The following THSD7B variants were observed in gnomAD, a reference collection of about 807,000 sequenced individuals.
THSD7B encodes the protein thrombospondin type-1 domain-containing protein 7B.
In THSD7B, 138 loss-of-function variants were observed where a neutral mutation model predicts 213.6. The ratio of observed to expected loss-of-function variants is 0.65; its 90% CI spans 0.56 to 0.74. THSD7B has a LOEUF of 0.74. THSD7B is among the 30% of genes least tolerant of loss of function. The probability of loss-of-function intolerance (pLI) is 0.00; values close to 1 mark genes in which losing one functional copy is unlikely to be tolerated. For synonymous variants in THSD7B, 742 were observed against 687.0 expected, an observed-to-expected ratio of 1.08 and a Z score of -1.25; for missense variants, 1,931 against 1,991.5, an observed-to-expected ratio of 0.97 and a Z score of 0.58.
chr2:136,889,895 T>G (rs1035319210), intron 2 of THSD7B, among the ~76,000 whole-genome samples: 1 of 152,220 alleles, frequency 6.6e-6, no homozygotes, highest in Non-Finnish European at 1.5e-5. Flanking sequence ...TTTCCAGAAC[T>G]GCTAAACGCA....
chr2:137,655,112 G>T (rs886118933), intron 21 of THSD7B, among the ~76,000 whole-genome samples: 3 of 152,058 alleles, frequency 2.0e-5, no homozygotes, highest in African/African-American at 7.2e-5. Flanking sequence ...CTATAAAAAA[G>T]AAAAACAGGT....
intron 12 of THSD7B, among the ~76,000 whole-genome samples, chr2:137,392,074 C>T (rs1386491507): frequency 2.6e-5 from 4 of 152,082 alleles, no homozygotes; most frequent in African/African-American, 7.2e-5. Context: ...TTGTTACCAC[C>T]CCTTTCTAGT....
chr2:137,195,384 A>T (rs1680740568), intron 7 of THSD7B, among the ~76,000 whole-genome samples: 1 of 152,068 alleles, frequency 6.6e-6, no homozygotes. Context: ...TTGGTTTCTA[A>T]ATGCCATTTA....
intron 15 of THSD7B, among the ~76,000 whole-genome samples, chr2:137,530,775 T>A (rs1421247251): frequency 6.6e-6 from 1 of 151,984 alleles, no homozygotes; most frequent in East Asian, 1.9e-4. Context: ...CAAAGTGGAC[T>A]AAAGCATATG....
intron 13 of THSD7B, among the ~76,000 whole-genome samples, chr2:137,406,705 T>C (rs1686527554): frequency 6.6e-6 from 1 of 152,226 alleles, no homozygotes; most frequent in African/African-American, 2.4e-5. Context: ...AGTAATCTGC[T>C]AGAGGCTTTA....
At chr2:136,891,022 A>G (rs1183870705) in intron 2 of THSD7B, among the ~76,000 whole-genome samples, 1 of 147,374 alleles carries the variant, frequency 6.8e-6, no homozygotes, top group African/African-American at 2.5e-5. Context: ...TTTCTACTTC[A>G]TCTTTTAACT....
At chr2:136,946,254 C>T (rs2105066255) in intron 2 of THSD7B, among the ~76,000 whole-genome samples, 1 of 152,252 alleles carries the variant, frequency 6.6e-6, no homozygotes, top group African/African-American at 2.4e-5. Context: ...TGCTGGAGGT[C>T]CACTCCAGAC....
chr2:137,531,752 G>A (rs1680401674), intron 15 of THSD7B, among the ~76,000 whole-genome samples: 1 of 151,912 alleles, frequency 6.6e-6, no homozygotes. Context: ...GCATCTGTGT[G>A]ACCCTTTCCC....
At chr2:137,310,681 A>T (rs930117460) in intron 12 of THSD7B, among the ~76,000 whole-genome samples, 18 of 152,222 alleles carry the variant, frequency 1.2e-4, no homozygotes, top group Non-Finnish European at 2.5e-4. Flanking sequence ...TGATTTTTGT[A>T]TAAGGCATAA....
At chr2:137,593,255 A>G (rs1162925212) in intron 17 of THSD7B, among the ~76,000 whole-genome samples, 1 of 152,002 alleles carries the variant, frequency 6.6e-6, no homozygotes, top group Non-Finnish European at 1.5e-5. Context: ...TTTTGTGAAT[A>G]TCTGCACCCA....
At chr2:136,969,642 A>G (rs1202941884) in intron 2 of THSD7B, among the ~76,000 whole-genome samples, 1 of 152,216 alleles carries the variant, frequency 6.6e-6, no homozygotes, top group Non-Finnish European at 1.5e-5. Context: ...TTTAAAAGGC[A>G]TGAATGGAGA....
intron 1 of THSD7B, among the ~76,000 whole-genome samples, chr2:136,806,203 C>T (rs992301696): frequency 1.3e-5 from 2 of 152,146 alleles, no homozygotes; most frequent in African/African-American, 4.8e-5. Context: ...TCTTTTTCAG[C>T]CCATGACATT....
chr2:137,408,295 C>A (rs974856389), intron 13 of THSD7B, among the ~76,000 whole-genome samples: 1 of 152,034 alleles, frequency 6.6e-6, no homozygotes, highest in African/African-American at 2.4e-5. Flanking sequence ...TCTCCTCCTC[C>A]CTCTCTTTCT....
chr2:136,961,385 A>G (rs977489977), intron 2 of THSD7B, among the ~76,000 whole-genome samples: 1 of 151,478 alleles, frequency 6.6e-6, no homozygotes, highest in Non-Finnish European at 1.5e-5. Flanking sequence ...ATGCCCGGCT[A>G]ATTTTTTGTA....
intron 10 of THSD7B, among the ~76,000 whole-genome samples, chr2:137,270,295 G>C (rs369837543): frequency 3.9e-5 from 6 of 152,052 alleles, no homozygotes; most frequent in African/African-American, 9.6e-5. Flanking sequence ...TAAGCCGGGG[G>C]GCTACTGATG....
intron 3 of THSD7B, among the ~76,000 whole-genome samples, chr2:137,084,102 T>C (rs1367562893): frequency 0.015 from 1 of 66 alleles, no homozygotes; most frequent in African/African-American, 0.062. Flanking sequence ...ATATTCAGGG[T>C]AGATTAGCTC....
chr2:137,121,066 A>T (rs1688537774), intron 5 of THSD7B, among the ~76,000 whole-genome samples: 1 of 152,204 alleles, frequency 6.6e-6, no homozygotes, highest in South Asian at 2.1e-4. Context: ...AGTTTAGTTA[A>T]TTTTTAAAAT....
At chr2:137,432,644 T>C (rs1017214727) in intron 14 of THSD7B, among the ~76,000 whole-genome samples, 2 of 152,190 alleles carry the variant, frequency 1.3e-5, no homozygotes, top group Non-Finnish European at 2.9e-5. Flanking sequence ...CCCAATGTCA[T>C]TTTCAACCAC....
At chr2:137,138,074 T>C (rs1679503591) in intron 5 of THSD7B, among the ~76,000 whole-genome samples, 1 of 152,010 alleles carries the variant, frequency 6.6e-6, no homozygotes, top group Non-Finnish European at 1.5e-5. Context: ...ATAGTTCTTT[T>C]GTACAGATGG....
Sources: gnomAD v4.1 joint callset for allele counts (sites outside exome capture counted in the v4.1 genomes callset) on GRCh38, gnomAD v4.1.1 for gene constraint, MANE v1.5 for transcripts, NCBI Gene and HGNC (gene_info 2026-07-23, HGNC 2026-07-21) for gene names.